Variants in GRIN2A observed in about 807,000 individuals in gnomAD.
GRIN2A encodes glutamate ionotropic receptor NMDA type subunit 2A.
In GRIN2A, 22 loss-of-function variants were observed where a neutral mutation model predicts 113.4. The ratio of observed to expected loss-of-function variants is 0.19; its 90% confidence interval spans 0.14 to 0.28. The LOEUF (loss-of-function observed/expected upper bound fraction) is 0.28. Ranked by LOEUF, GRIN2A falls within the 10% of genes least tolerant of loss-of-function variation. The pLI is 1.00. For missense variants in GRIN2A, 1,502 were observed against 1,887.0 expected (o/e 0.80, Z 3.78); for synonymous variants, 827 against 738.4 (o/e 1.12, Z -1.94).
At chr16:10,051,061 G>A (rs901071823) in intron 2 of GRIN2A, among the ~76,000 whole-genome samples, 2 of 152,130 alleles carry the variant, frequency 1.3e-5, no homozygotes, top group African/African-American at 4.8e-5. Context: ...TAGTTAGGTG[G>A]TAGGATGATG....
intron 2 of GRIN2A, among the ~76,000 whole-genome samples, chr16:10,124,279 C>T (rs2048885918): frequency 6.6e-6 from 1 of 152,114 alleles, no homozygotes; most frequent in South Asian, 2.1e-4. Context: ...CCTTCGTTTG[C>T]TTACTTACAA....
In GRIN2A at chr16:10,073,667, T is replaced by C. The variant is rs551362237; in HGVS notation, c.414+106331A>G. ...CACCCTTTGTCAAAATTAAAAACTT[T>C]TATTCATCAAAGGGCACTATTAAGA... On this transcript the variant is annotated intron_variant, in intron 2 of 12. Transcript: ENST00000330684. Among the ~76,000 whole-genome samples, 23 of 152,170 alleles carry C rather than the reference T, an allele frequency of 1.5e-4. No homozygotes were observed. In the South Asian group the frequency reaches 4.8e-3, roughly 32 times the overall value.
intron 2 of GRIN2A, among the ~76,000 whole-genome samples, chr16:9,965,251 C>T (rs2045530381): frequency 6.6e-6 from 1 of 152,236 alleles, no homozygotes; most frequent in African/African-American, 2.4e-5. Context: ...ACAGATTCCT[C>T]TCCTAACCCT....
chr16:10,141,464 G>T (rs1184316516), intron 2 of GRIN2A, among the ~76,000 whole-genome samples: 2 of 151,996 alleles, frequency 1.3e-5, no homozygotes, highest in Non-Finnish European at 2.9e-5. Flanking sequence ...CTCCAGCCTG[G>T]GCAACAGAGC....
chr16:10,086,965 T>A (rs573062634), intron 2 of GRIN2A, among the ~76,000 whole-genome samples: 103 of 152,290 alleles, frequency 6.8e-4, no homozygotes, highest in African/African-American at 2.3e-3. Flanking sequence ...CTCTTGAGCA[T>A]GAATGAAGTT....
intron 3 of GRIN2A, among the ~76,000 whole-genome samples, chr16:9,892,305 T>C (rs1279090167): frequency 1.3e-5 from 2 of 152,066 alleles, no homozygotes; most frequent in African/African-American, 4.8e-5. Context: ...TAATAGATCA[T>C]GTCAATTGAA....
chr16:10,089,957 C>T (rs1006606806), intron 2 of GRIN2A, among the ~76,000 whole-genome samples: 3 of 152,076 alleles, frequency 2.0e-5, no homozygotes, highest in Admixed American at 1.3e-4. Context: ...TGAATTTTTA[C>T]TCTTTAGTTT....
chr16:9,811,870 G>A (rs1439467217), intron 10 of GRIN2A, among the ~76,000 whole-genome samples: 1 of 152,192 alleles, frequency 6.6e-6, no homozygotes, highest in Non-Finnish European at 1.5e-5. Flanking sequence ...CTGACCATGT[G>A]CTTCCTGTGG....
At chr16:9,914,413 C>T in intron 3 of GRIN2A, among the ~76,000 whole-genome samples, 1 of 152,130 alleles carries the variant, frequency 6.6e-6, no homozygotes, top group East Asian at 1.9e-4. Context: ...CAAAATTGTC[C>T]AATAGTGTCT....
chr16:10,141,283 G>T (rs1035788778), intron 2 of GRIN2A, among the ~76,000 whole-genome samples: 1 of 151,760 alleles, frequency 6.6e-6, no homozygotes, highest in Admixed American at 6.6e-5. Flanking sequence ...GAGGTCAGGA[G>T]TTCGAGACCA....
At chr16:9,837,403 A>T (rs938093664) in intron 7 of GRIN2A, among the ~76,000 whole-genome samples, 3 of 152,234 alleles carry the variant, frequency 2.0e-5, no homozygotes, top group Non-Finnish European at 4.4e-5. Flanking sequence ...AATGTTTTAC[A>T]AATGCAAGCA....
At chr16:9,818,236 C>A (rs955326894) in intron 10 of GRIN2A, among the ~76,000 whole-genome samples, 1 of 151,864 alleles carries the variant, frequency 6.6e-6, no homozygotes, top group Non-Finnish European at 1.5e-5. Flanking sequence ...CAAAGTTGAT[C>A]GGATCTTGGT....
intron 3 of GRIN2A, among the ~76,000 whole-genome samples, chr16:9,906,556 G>C (rs1210837370): frequency 6.6e-6 from 1 of 152,126 alleles, no homozygotes; most frequent in Non-Finnish European, 1.5e-5. Context: ...ATTTTTTATT[G>C]CAACTAGAAG....
intron 7 of GRIN2A, among the ~76,000 whole-genome samples, chr16:9,839,344 C>A (rs1409419003): frequency 6.6e-6 from 1 of 151,378 alleles, no homozygotes; most frequent in African/African-American, 2.4e-5. Flanking sequence ...TAGAGAAAAG[C>A]AGATGATAGA....
intron 2 of GRIN2A, among the ~76,000 whole-genome samples, chr16:10,025,758 T>C (rs1267157151): frequency 6.6e-6 from 1 of 152,090 alleles, no homozygotes; most frequent in South Asian, 2.1e-4. Flanking sequence ...CCTCCCTATA[T>C]CGGCTGGCAG....
chr16:9,837,484 A>G (rs2042601609), intron 7 of GRIN2A, among the ~76,000 whole-genome samples: 1 of 152,200 alleles, frequency 6.6e-6, no homozygotes, highest in Non-Finnish European at 1.5e-5. Flanking sequence ...AAGACAAGCC[A>G]ATTGATATTT....
intron 2 of GRIN2A, among the ~76,000 whole-genome samples, chr16:10,128,036 A>T (rs1471909593): frequency 6.6e-6 from 1 of 152,178 alleles, no homozygotes; most frequent in Non-Finnish European, 1.5e-5. Flanking sequence ...ACTCAACAGC[A>T]GACCCCAAAA....
intron 2 of GRIN2A, among the ~76,000 whole-genome samples, chr16:10,055,468 A>T (rs1483661712): frequency 3.9e-5 from 6 of 152,244 alleles, no homozygotes; most frequent in African/African-American, 1.4e-4. Context: ...AGATTTAAAC[A>T]CAATAATAGG....
At chr16:10,146,855 A>G (rs1293776020) in intron 2 of GRIN2A, among the ~76,000 whole-genome samples, 1 of 152,014 alleles carries the variant, frequency 6.6e-6, no homozygotes, top group Non-Finnish European at 1.5e-5. Context: ...ATGAGGAGGC[A>G]TGAAGCAAGA....
Sources: gnomAD v4.1 joint callset for allele counts (sites outside exome capture counted in the v4.1 genomes callset) on GRCh38, gnomAD v4.1.1 for gene constraint, MANE v1.5 for transcripts, NCBI Gene and HGNC (gene_info 2026-07-23, HGNC 2026-07-21) for gene names.